GSE1: variants seen among roughly 807,000 people sequenced by gnomAD.
GSE1 encodes the protein genetic suppressor element 1.
Under a neutral mutation model 112.6 loss-of-function variants are expected in GSE1, and 32 were observed. The ratio of observed to expected loss-of-function variants is 0.28; its 90% CI spans 0.21 to 0.38. GSE1 has a LOEUF of 0.38. Among genes scored for constraint, GSE1 ranks in the 10% least tolerant of loss-of-function variants. GSE1 has a pLI of 1.00. For synonymous variants in GSE1, 1,115 were observed against 735.6 expected (o/e 1.52, Z -8.35); for missense variants, 2,348 against 1,699.2 (o/e 1.38, Z -6.71).
rs1256896254 is a variant in GSE1 at position 85,528,790 on chromosome 16, C to A, written c.2465-105124C>A. 3.3e-5 allele frequency among the ~76,000 whole-genome samples: 5 copies of A among 152,114 alleles called. No individual in the cohort carries two copies. In the South Asian group the frequency reaches 1.0e-3, roughly 31 times the overall value. Reference sequence around the variant, plus strand: ...CTGGGGGAAGTGCAAGCTGATGCCTCTTGTTCCAACATGATTATTGATAAA... The same window carrying A: ...CTGGGGGAAGTGCAAGCTGATGCCTATTGTTCCAACATGATTATTGATAAA... On this transcript the variant is annotated intron_variant, in intron 2 of 2. Coordinates refer to the GSE1 transcript ENST00000637419.
intron 1 of GSE1, among the ~76,000 whole-genome samples, chr16:85,198,307 C>G (rs553169590): frequency 4.6e-5 from 7 of 152,188 alleles, no homozygotes; most frequent in African/African-American, 1.7e-4. Flanking sequence ...TCTCTACGGA[C>G]GAGGTCAACA....
intron 1 of GSE1, among the ~76,000 whole-genome samples, chr16:85,335,548 G>A (rs767594144): frequency 4.6e-5 from 7 of 152,204 alleles, no homozygotes; most frequent in Non-Finnish European, 7.3e-5. Flanking sequence ...TGGGTTTGTG[G>A]GGTGAGGGAG....
At chr16:85,376,968 C>T (rs2047435190) in intron 2 of GSE1, among the ~76,000 whole-genome samples, 1 of 152,262 alleles carries the variant, frequency 6.6e-6, no homozygotes, top group South Asian at 2.1e-4. Flanking sequence ...TGTGCAGTCG[C>T]GGGTGGCCGT....
intron 1 of GSE1, among the ~76,000 whole-genome samples, chr16:85,240,660 C>A (rs1032725748): frequency 4.6e-5 from 7 of 152,190 alleles, no homozygotes; most frequent in Non-Finnish European, 1.0e-4. Flanking sequence ...AGAGCTGGAG[C>A]CTGGGTGCGC....
intron 1 of GSE1, among the ~76,000 whole-genome samples, chr16:85,339,211 C>T (rs972673145): frequency 6.6e-6 from 1 of 152,180 alleles, no homozygotes; most frequent in African/African-American, 2.4e-5. Flanking sequence ...TACGTGATTG[C>T]AAATTGATTT....
At chr16:85,529,364 C>T (rs2052472117) in intron 2 of GSE1, among the ~76,000 whole-genome samples, 1 of 152,168 alleles carries the variant, frequency 6.6e-6, no homozygotes, top group African/African-American at 2.4e-5. Flanking sequence ...CAGCCTGCAG[C>T]CATGTTTTCT....
chr16:85,496,968 G>T (rs1484197245), intron 2 of GSE1, among the ~76,000 whole-genome samples: 1 of 151,086 alleles, frequency 6.6e-6, no homozygotes, highest in Non-Finnish European at 1.5e-5. Flanking sequence ...GCTCTATCTC[G>T]GCTCATTGCA....
At chr16:85,545,174 G>T (rs2044654001) in intron 2 of GSE1, among the ~76,000 whole-genome samples, 6 of 152,242 alleles carry the variant, frequency 3.9e-5, no homozygotes, top group Admixed American at 3.9e-4. Context: ...TCCCTTCACA[G>T]GGATGAGCTA....
At chr16:85,436,407 T>G (rs2049247562) in intron 2 of GSE1, among the ~76,000 whole-genome samples, 1 of 152,346 alleles carries the variant, frequency 6.6e-6, no homozygotes, top group African/African-American at 2.4e-5. Flanking sequence ...TCCCGGCGTC[T>G]CTGCTCAGTC....
Position 85,343,561 on chromosome 16 carries a change from C to T in GSE1, c.2284-13902C>T, listed in dbSNP as rs183494464. Among the ~76,000 whole-genome samples, 204 of 152,254 alleles carry T rather than the reference C, an allele frequency of 1.3e-3. 1 individual carries two copies. Among genetic ancestry groups the T allele is most frequent in the African/African-American group, 4.6e-3 (192 of 41,538 alleles). On this transcript the variant is annotated intron_variant, in intron 1 of 2. Transcript: ENST00000637419. ...GCCAACAGTTCGAGATGAGCTTGGA[C>T]AACATAGCCAGACCCCATCTCTACA...
chr16:85,291,871 C>T (rs1297697281), intron 1 of GSE1, among the ~76,000 whole-genome samples: 1 of 152,226 alleles, frequency 6.6e-6, no homozygotes, highest in Non-Finnish European at 1.5e-5. Context: ...ACAAAGGGCC[C>T]TTATTTCCCT....
intron 1 of GSE1, among the ~76,000 whole-genome samples, chr16:85,252,085 AC>A (rs1174239025): frequency 2.6e-5 from 4 of 152,290 alleles, no homozygotes; most frequent in Non-Finnish European, 2.9e-5. Flanking sequence ...GACTCCGGAG[AC>A]CCAGGGCTGA....
Position 85,246,323 on chromosome 16 carries a change from ACACACACACC to A in GSE1, c.2283+74518_2283+74527del, listed in dbSNP as rs1438315062. ...CCACACGCTGTCTACACACACACAC[ACACACACACC>A]CCCCACACGCTGTCTACACACACAC... On this transcript the variant is annotated intron_variant, in intron 1 of 2. Transcript: ENST00000637419. Among the ~76,000 whole-genome samples the A allele has an allele frequency of 3.0e-4, 26 of 87,408 alleles. 1 individual carries two copies. The highest frequency in any genetic ancestry group is 6.3e-4 in the Admixed American group (5 of 7,918). 57.3% of individuals were successfully genotyped at this position (87,408 alleles called of 152,430 possible). A position where few individuals can be genotyped will look rare whatever the true frequency, so the allele number is the denominator to read the frequency against.
intron 1 of GSE1, among the ~76,000 whole-genome samples, chr16:85,353,386 T>C (rs2046889153): frequency 6.6e-6 from 1 of 152,196 alleles, no homozygotes; most frequent in Admixed American, 6.5e-5. Flanking sequence ...AGTTGCTGGG[T>C]TGCAGGGTAA....
At position 85,357,534 on chromosome 16, in the gene GSE1, C is replaced by T. The variant is rs556062779; in HGVS notation, c.2355C>T (p.Arg785=). 16 of 1,274,926 alleles carry T rather than the reference C, an allele frequency of 1.3e-5. No individual in the cohort carries two copies. The African/African-American group carries it at 2.0e-4, about 16-fold the overall frequency. 79.0% of individuals were successfully genotyped at this position (1,274,926 alleles called of 1,614,324 possible). The change falls in exon 2 of 3, where the codon CGC becomes CGT. Residue 785 remains arginine, a synonymous_variant. Transcript: ENST00000637419. ...CCCGGGAGTCCGAGACCCGGCCACGCGCCCCCACGGAGACCCTGCCCAGAG... is the reference window on the plus strand; with the variant it reads ...CCCGGGAGTCCGAGACCCGGCCACGTGCCCCCACGGAGACCCTGCCCAGAG...
At chr16:85,336,522 G>A (rs2046489175) in intron 1 of GSE1, among the ~76,000 whole-genome samples, 2 of 152,172 alleles carry the variant, frequency 1.3e-5, no homozygotes, top group African/African-American at 4.8e-5. Context: ...CTGCAGCCTG[G>A]TGGGCTGTGA....
Position 85,211,778 on chromosome 16 carries a change from C to T in GSE1, c.2283+39971C>T, listed in dbSNP as rs2075230485. Among the ~76,000 whole-genome samples the T allele has an allele frequency of 3.3e-5, 5 of 152,372 alleles. No homozygotes were observed. The South Asian group carries it at 8.3e-4, about 25-fold the overall frequency. On this transcript the variant is annotated intron_variant, in intron 1 of 2. Coordinates refer to the GSE1 transcript ENST00000637419. ...GTATCAGTGCCTGCCCAGTGCCACT[C>T]CGCTGCTGCCTCTTGCAGCTGGAAG... is the stretch of plus-strand genomic sequence containing the variant.
In GSE1 at chr16:85,635,707, C is replaced by T. The variant is rs368733480; in HGVS notation, c.226+1575C>T. On this transcript the variant is annotated intron_variant, in intron 2 of 15. Transcript: ENST00000253458. ...GGTGAGGGATTTCCGAGGCCACGGGCGGCACGTGACTGGCGCTGGTGCTAC... is the reference window on the plus strand; with the variant it reads ...GGTGAGGGATTTCCGAGGCCACGGGTGGCACGTGACTGGCGCTGGTGCTAC... 4.6e-5 allele frequency among the ~76,000 whole-genome samples: 7 copies of T among 152,288 alleles called. No individual in the cohort carries two copies. In the South Asian group the frequency reaches 1.0e-3, roughly 23 times the overall value.
intron 2 of GSE1, among the ~76,000 whole-genome samples, chr16:85,420,901 C>T (rs1054141999): frequency 1.3e-5 from 2 of 152,126 alleles, no homozygotes; most frequent in Non-Finnish European, 1.5e-5. Context: ...GCGGCGATGG[C>T]GGCTTCACCC....
Sources: allele counts gnomAD v4.1 joint callset (sites outside exome capture counted in the v4.1 genomes callset), GRCh38; gene constraint gnomAD v4.1.1; transcripts MANE v1.5; gene names NCBI Gene and HGNC (gene_info 2026-07-23, HGNC 2026-07-21).